Variants in SLC49A3 observed in about 807,000 individuals in gnomAD.
SLC49A3 encodes the protein solute carrier family 49 member 3, also known as solute carrier family 49 member A3.
Under a neutral mutation model 43.8 loss-of-function variants are expected in SLC49A3, and 50 were observed. The observed-to-expected ratio is 1.14, with a 90% CI of 0.91 to 1.45. The LOEUF (loss-of-function observed/expected upper bound fraction) is 1.45. SLC49A3 is among the 40% of genes most tolerant of loss of function. The probability of loss-of-function intolerance (pLI) is 0.00; values close to 1 mark genes in which losing one functional copy is unlikely to be tolerated. For synonymous variants in SLC49A3, 413 were observed against 352.0 expected (o/e 1.17, Z -1.94); for missense variants, 906 against 774.1 (o/e 1.17, Z -2.02).
chr4:680,969 C>A, downstream of SLC49A3: 3 of 1,137,460 alleles, frequency 2.6e-6, no homozygotes, highest in South Asian at 1.3e-5. Flanking sequence ...GGCCACACTC[C>A]AGCGGGAAGG....
At chr4:690,659 G>GCTACCTCCATCGTTCAGT (rs1741804985), upstream of SLC49A3, among the ~76,000 whole-genome samples, 1 of 152,242 alleles carries the variant, frequency 6.6e-6, no homozygotes, top group Non-Finnish European at 1.5e-5. Flanking sequence ...AGCCACAGTA[G>GCTACCTCCATCGTTCAGT]CTACCTCCAT....
At chr4:688,695 C>T (rs1355211107) in intron 1 of SLC49A3, among the ~76,000 whole-genome samples, 7 of 152,164 alleles carry the variant, frequency 4.6e-5, no homozygotes, top group African/African-American at 1.7e-4. Flanking sequence ...GCAGGGCCAC[C>T]TGTATGTGAC....
At chr4:690,202 T>C, upstream of SLC49A3, among the ~76,000 whole-genome samples, 1 of 151,596 alleles carries the variant, frequency 6.6e-6, no homozygotes, top group East Asian at 1.9e-4. Flanking sequence ...CAGATAGAGC[T>C]CTCCACTTTG....
downstream of SLC49A3, chr4:680,987 T>C: frequency 2.4e-6 from 3 of 1,250,140 alleles, no homozygotes; most frequent in Non-Finnish European, 3.4e-6. Flanking sequence ...AGGGCGGGAG[T>C]GCAGTGAGCG....
intron 1 of SLC49A3, 30 bp downstream of exon 1, chr4:688,963 G>A: frequency 1.3e-6 from 2 of 1,579,116 alleles, no homozygotes; most frequent in Non-Finnish European, 1.7e-6. Flanking sequence ...TGAGGGTCCC[G>A]GAGCCACCTG....
chr4:683,133 T>C lies in SLC49A3; in HGVS notation c.1151+77A>G, dbSNP rs1740164705. The C allele has an allele frequency of 1.9e-6, 3 of 1,580,692 alleles. No homozygotes were observed. In the East Asian group the frequency reaches 6.7e-5, roughly 35 times the overall value. On this transcript the variant is annotated intron_variant, in intron 8 of 9. Coordinates refer to ENST00000322224, the MANE Select transcript of SLC49A3 (RefSeq NM_032219.4). ...TCCCCGAAAAGGGGCCTGGACCACA[T>C]GGTGCAACCCCAGGGGTGTAGGGGT...
At chr4:689,370 T>A, upstream of SLC49A3, 1 of 302,010 alleles carries the variant, frequency 3.3e-6, no homozygotes, top group Non-Finnish European at 6.1e-6. Flanking sequence ...GGCCTCAGGC[T>A]GGAAGTCCCT....
At chr4:679,844 TG>T, downstream of SLC49A3, 1 of 1,354,776 alleles carries the variant, frequency 7.4e-7, no homozygotes, top group Non-Finnish European at 1.1e-6. Flanking sequence ...GGCCCTGTGC[TG>T]GGGTCACCTG....
Position 683,744 on chromosome 4 carries a change from A to C in SLC49A3, c.858T>G (p.Cys286Trp). 1.3e-6 allele frequency: 2 copies of C among 1,571,966 alleles called. No homozygotes were observed. Among genetic ancestry groups the C allele is most frequent in the Non-Finnish European group, 1.7e-6 (2 of 1,158,152 alleles). Residue 286 changes from cysteine to tryptophan, a missense_variant, in exon 7 of 10, where the codon TGT becomes TGG. Transcript: ENST00000322224. The stretch of plus-strand genomic sequence containing the variant: ...TCCCAAACGTGATGAAGAGAGCGCC[A>C]CAGAGGCCGGAAAACCCCTGGAGGA... Reference protein sequence around the residue: ...SGHSSGFSGLCGALFITFGIL... With the variant: ...SGHSSGFSGLWGALFITFGIL...
downstream of SLC49A3, chr4:678,784 A>G (rs1739121496): frequency 1.2e-6 from 2 of 1,607,938 alleles, no homozygotes; most frequent in Middle Eastern, 1.7e-4. Flanking sequence ...TTCCTGCTTC[A>G]CTGGGAGCCC....
chr4:683,108 T>C, intron 8 of SLC49A3, 102 bp downstream of exon 8: 1 of 1,476,164 alleles, frequency 6.8e-7, no homozygotes, highest in East Asian at 2.3e-5. Flanking sequence ...GTTCCCCACC[T>C]CCCCGAAAAG....
intron 1 of SLC49A3, among the ~76,000 whole-genome samples, chr4:688,517 G>C (rs1016019214): frequency 2.0e-5 from 3 of 152,216 alleles, no homozygotes; most frequent in African/African-American, 4.8e-5. Flanking sequence ...GGGCGGGAAA[G>C]GCTGCAGCGT....
chr4:679,621 T>A (rs1160180623), downstream of SLC49A3, among the ~76,000 whole-genome samples: 1 of 152,190 alleles, frequency 6.6e-6, no homozygotes, highest in African/African-American at 2.4e-5. Context: ...GTGACCCACC[T>A]TCCTCTCGGC....
rs770969315 is a variant in SLC49A3, at chr4:685,859, C to T, written c.561G>A (p.Lys187=). ...CCATTAACGGAATGTCCTCACCCTT[C>T]TTGACCAGCACAGGGGACAGCACAT... ...VANVLSPVLV[K]KGEDIPLMLG... Residue 187 remains lysine, a synonymous_variant, in exon 4 of 10, where the codon AAG becomes AAA. Coordinates refer to ENST00000322224, the MANE Select transcript of SLC49A3 (RefSeq NM_032219.4). This position sits in a 1 kb window ranked among gnomAD's most constrained non-coding sequence, Gnocchi z 4.3. The T allele has an allele frequency of 3.1e-6, 5 of 1,614,034 alleles. No individual in the cohort carries two copies. The highest frequency in any genetic ancestry group is 1.7e-5 in the Admixed American group (1 of 60,022).
In SLC49A3 at chr4:681,897, A is replaced by T. The variant is rs1273176796; in HGVS notation, c.*61T>A. 7.6e-7 allele frequency: 1 copy of T among 1,315,654 alleles called. No homozygotes were observed. Among genetic ancestry groups the T allele is most frequent in the East Asian group, 2.8e-5 (1 of 35,584 alleles). 81.5% of individuals were successfully genotyped at this position (1,315,654 alleles called of 1,614,324 possible). A position where few individuals can be genotyped will look rare whatever the true frequency, so the allele number is the denominator to read the frequency against. On this transcript the variant is annotated 3_prime_UTR_variant, in exon 10 of 10. Transcript: ENST00000322224. ...CCCTTTCGCCCCCGCCCGCAGGTGG[A>T]CCAGATGTTCCAGTTCGCCTCCATC... is the stretch of plus-strand genomic sequence containing the variant.
intron 6 of SLC49A3, 107 bp from the exon 7 acceptor site, chr4:683,868 C>T: frequency 1.5e-6 from 2 of 1,353,668 alleles, no homozygotes; most frequent in South Asian, 1.6e-5. Context: ...TGCCCAAGGC[C>T]CAGGCATAGC....
At chr4:689,664 A>T (rs1050684439), upstream of SLC49A3, among the ~76,000 whole-genome samples, 1 of 152,268 alleles carries the variant, frequency 6.6e-6, no homozygotes. Flanking sequence ...GAGGGGCTGC[A>T]GGCCAAGGCT....
intron 7 of SLC49A3, 89 bp downstream of exon 7, chr4:683,518 CCT>C: frequency 6.6e-7 from 1 of 1,508,404 alleles, no homozygotes; most frequent in Non-Finnish European, 8.9e-7. Flanking sequence ...ACAGTCCAGA[CCT>C]CTGTTCCAGC....
Position 683,254 on chromosome 4 carries a change from G to T in SLC49A3, c.1107C>A (p.Phe369Leu), listed in dbSNP as rs1018374799. 1 of 1,612,708 alleles carries T rather than the reference G, an allele frequency of 6.2e-7. No homozygotes were observed. The highest frequency in any genetic ancestry group is 1.3e-5 in the African/African-American group (1 of 74,902). The change falls in exon 8 of 10, where the codon TTC (phenylalanine) becomes TTA (leucine). Residue 369 changes from phenylalanine to leucine, a missense_variant. Coordinates refer to ENST00000322224, the MANE Select transcript of SLC49A3 (RefSeq NM_032219.4). Reference protein sequence around the residue: ...VAMELAVECSFPVGEGAATGM... With the variant: ...VAMELAVECSLPVGEGAATGM... ...CTGTGGCAGCCCCCTCCCCCACGGG[G>T]AAGGAACACTCGACCGCCAACTCCA... is the stretch of plus-strand genomic sequence containing the variant.
Sources: gnomAD v4.1 joint callset for allele counts (sites outside exome capture counted in the v4.1 genomes callset) on GRCh38, gnomAD v4.1.1 for gene constraint, Gnocchi (gnomAD v3.1) non-coding constraint, MANE v1.5 for transcripts, NCBI Gene and HGNC (gene_info 2026-07-23, HGNC 2026-07-21) for gene names.